CELF2: variants seen among roughly 807,000 people sequenced by gnomAD.
CELF2 encodes CUGBP Elav-like family member 2.
A neutral mutation model predicts 62.6 loss-of-function variants in CELF2; 8 were observed. The ratio of observed to expected loss-of-function variants is 0.13; its 90% CI spans 0.07 to 0.23. The LOEUF is 0.23. CELF2 is among the 10% of genes least tolerant of loss of function. The probability of loss-of-function intolerance (pLI) is 1.00; values close to 1 mark genes in which losing one functional copy is unlikely to be tolerated. For missense variants in CELF2, 333 were observed against 671.0 expected (o/e 0.50, Z 5.56); for synonymous variants, 258 against 250.0 (o/e 1.03, Z -0.30).
At chr10:10,731,112 T>C in the CELF2 span, among the ~76,000 whole-genome samples, 5 of 152,136 alleles carry the variant, frequency 3.3e-5, no homozygotes, top group Non-Finnish European at 7.4e-5. Flanking sequence ...CCAATCACCA[T>C]CCCTTTCCCA....
chr10:10,789,151 G>A, the CELF2 span: 3 of 152,148 alleles, frequency 2.0e-5, no homozygotes, highest in African/African-American at 4.8e-5. Context: ...CATTTTAATA[G>A]ACAACTTCCC....
chr10:10,539,458 C>A, the CELF2 span, among the ~76,000 whole-genome samples: 43 of 149,552 alleles, frequency 2.9e-4, no homozygotes, highest in Admixed American at 8.7e-4. Flanking sequence ...CCACCCCACC[C>A]CCACCTCTGT....
At chr10:10,703,576 A>T in the CELF2 span, among the ~76,000 whole-genome samples, 1 of 152,364 alleles carries the variant, frequency 6.6e-6, no homozygotes, top group East Asian at 1.9e-4. Flanking sequence ...TCATCAATTA[A>T]AGCAGAATGT....
At chr10:10,754,581 A>C in the CELF2 span, among the ~76,000 whole-genome samples, 5 of 152,206 alleles carry the variant, frequency 3.3e-5, no homozygotes, top group African/African-American at 7.2e-5. Context: ...TTAGAATTTC[A>C]TGATTTAAGG....
At chr10:11,173,162 T>TC (rs1231789147) in intron 2 of CELF2, among the ~76,000 whole-genome samples, 5 of 152,164 alleles carry the variant, frequency 3.3e-5, no homozygotes, top group Non-Finnish European at 5.9e-5. Context: ...TTACCATCAG[T>TC]CACCCAGTTG....
At chr10:10,462,725 A>G in the CELF2 span, among the ~76,000 whole-genome samples, 1 of 145,762 alleles carries the variant, frequency 6.9e-6, no homozygotes, top group Non-Finnish European at 1.5e-5. Context: ...GTTAGCGTAT[A>G]ATGAAAAGGT....
intron 3 of CELF2, among the ~76,000 whole-genome samples, chr10:11,234,678 T>TC (rs1554980294): frequency 1.0e-4 from 1 of 10,008 alleles, no homozygotes; most frequent in Non-Finnish European, 2.4e-4. Context: ...AGACTCCATC[T>TC]CAAAAAAAAA....
intron 1 of CELF2, among the ~76,000 whole-genome samples, chr10:11,103,952 A>G (rs998044653): frequency 1.3e-5 from 2 of 149,960 alleles, no homozygotes; most frequent in Non-Finnish European, 2.9e-5. Flanking sequence ...CTTTCCTGAA[A>G]TGGGAGAAAT....
chr10:10,889,747 T>A (rs1004254547), intron 1 of CELF2, among the ~76,000 whole-genome samples: 6 of 152,152 alleles, frequency 3.9e-5, no homozygotes, highest in African/African-American at 1.4e-4. Flanking sequence ...AAAGTATCCT[T>A]CCTCCTGCCC....
intron 1 of CELF2, among the ~76,000 whole-genome samples, chr10:10,884,264 C>T (rs561440088): frequency 4.3e-4 from 65 of 152,244 alleles, no homozygotes; most frequent in Non-Finnish European, 7.1e-4. Context: ...ATGGGGTTTT[C>T]CTAAATGAGG....
chr10:10,703,519 G>A, the CELF2 span, among the ~76,000 whole-genome samples: 1 of 152,196 alleles, frequency 6.6e-6, no homozygotes, highest in Non-Finnish European at 1.5e-5. Context: ...GACTAAACAG[G>A]AAAACACAGC....
the CELF2 span, among the ~76,000 whole-genome samples, chr10:10,566,308 G>GAAAA: frequency 6.8e-6 from 1 of 147,144 alleles, no homozygotes; most frequent in African/African-American, 2.5e-5. Context: ...AAACATGCAG[G>GAAAA]AAAAAAAAAA....
At chr10:11,190,967 G>A (rs373060677) in intron 2 of CELF2, among the ~76,000 whole-genome samples, 3 of 152,156 alleles carry the variant, frequency 2.0e-5, no homozygotes, top group Non-Finnish European at 2.9e-5. Flanking sequence ...TCTGGAGATG[G>A]ACAGTGGTTA....
At chr10:10,740,821 A>C in the CELF2 span, among the ~76,000 whole-genome samples, 1 of 152,250 alleles carries the variant, frequency 6.6e-6, no homozygotes, top group Admixed American at 6.5e-5. Context: ...AAGTGAAATA[A>C]GCCACAGAAA....
chr10:11,207,153 G>A lies in CELF2; in HGVS notation c.272-10272G>A, dbSNP rs1300543650. ...CTTTGGTGGAATTTACATAATCATGGGTGAGGAAGTGTTACAGTATACACA... is the reference window on the plus strand; with the variant it reads ...CTTTGGTGGAATTTACATAATCATGAGTGAGGAAGTGTTACAGTATACACA... On this transcript the variant is annotated intron_variant, in intron 2 of 12. Transcript: ENST00000633077. The surrounding 1 kb of genome is among the most constrained non-coding windows in gnomAD (Gnocchi z 4.1). Among the ~76,000 whole-genome samples, 1 of 152,188 alleles carries A rather than the reference G, an allele frequency of 6.6e-6. No homozygotes were observed. Among genetic ancestry groups the A allele is most frequent in the Non-Finnish European group, 1.5e-5 (1 of 68,034 alleles).
chr10:11,196,888 G>A (rs944634492), intron 2 of CELF2, among the ~76,000 whole-genome samples: 4 of 151,306 alleles, frequency 2.6e-5, no homozygotes, highest in Non-Finnish European at 5.9e-5. Context: ...GAACCTGGGA[G>A]GCGGAGGTTG....
At chr10:10,731,678 G>A in the CELF2 span, among the ~76,000 whole-genome samples, 2 of 152,122 alleles carry the variant, frequency 1.3e-5, no homozygotes, top group Non-Finnish European at 2.9e-5. Flanking sequence ...TTTTGAAAGG[G>A]TACCCCTTAG....
At chr10:10,964,296 A>C (rs559994322) in intron 2 of CELF2, among the ~76,000 whole-genome samples, 1 of 152,298 alleles carries the variant, frequency 6.6e-6, no homozygotes, top group South Asian at 2.1e-4. Context: ...GTTTATGTTT[A>C]TCAGACTCCA....
intron 8 of CELF2, 38 bp from the exon 9 acceptor site, chr10:11,288,380 G>A (rs750691913): frequency 2.5e-6 from 4 of 1,610,322 alleles, no homozygotes; most frequent in Non-Finnish European, 3.4e-6. Flanking sequence ...AGAAGTGTGA[G>A]GCCTGTTGCT....
Sources: gnomAD v4.1 joint callset for allele counts (sites outside exome capture counted in the v4.1 genomes callset) on GRCh38, gnomAD v4.1.1 for gene constraint, Gnocchi (gnomAD v3.1) non-coding constraint, MANE v1.5 for transcripts, NCBI Gene and HGNC (gene_info 2026-07-23, HGNC 2026-07-21) for gene names.